Variants in EFHC2 observed in about 807,000 individuals in gnomAD.
EFHC2 encodes the protein EF-hand domain containing 2.
A neutral mutation model predicts 52.7 loss-of-function variants in EFHC2; 18 were observed. The observed-to-expected ratio is 0.34, with a 90% CI of 0.24 to 0.51. The LOEUF is 0.51. Among genes scored for constraint, EFHC2 ranks in the 20% least tolerant of loss-of-function variants. The pLI is 0.97. For missense variants in EFHC2, 513 were observed against 562.5 expected, an observed-to-expected ratio of 0.91 and a Z score of 0.89; for synonymous variants, 203 against 204.1, an observed-to-expected ratio of 0.99 and a Z score of 0.04.
intron 13 of EFHC2, among the ~76,000 whole-genome samples, chrX:44,168,259 G>C (rs188057709): frequency 8.9e-6 from 1 of 112,204 alleles, no homozygotes; most frequent in Non-Finnish European, 1.9e-5. Flanking sequence ...GTGTCCGGGC[G>C]TGGTGGCTCA....
intron 11 of EFHC2, among the ~76,000 whole-genome samples, chrX:44,192,121 C>G (rs947040405): frequency 9.2e-6 from 1 of 108,428 alleles, no homozygotes; most frequent in Non-Finnish European, 1.9e-5. Flanking sequence ...ATGTCCAATG[C>G]TGCTCCAATT....
intron 1 of EFHC2, among the ~76,000 whole-genome samples, chrX:44,325,773 C>T (rs17146919): frequency 0.42 from 43,398 of 102,114 alleles, 7,348 homozygotes; most frequent in African/African-American, 0.53. Flanking sequence ...TGTGAGGTGC[C>T]TGGTAAGAAT....
At chrX:44,323,477 T>A (rs923742257) in intron 1 of EFHC2, among the ~76,000 whole-genome samples, 3 of 111,861 alleles carry the variant, frequency 2.7e-5, no homozygotes, top group Non-Finnish European at 5.6e-5. Context: ...CCTTGAACCA[T>A]GCACTGAATT....
intron 2 of EFHC2, among the ~76,000 whole-genome samples, chrX:44,298,606 T>C (rs997595863): frequency 4.5e-5 from 5 of 111,086 alleles, no homozygotes; most frequent in Middle Eastern, 4.2e-3. Context: ...CTCATGCCTG[T>C]AATGCCAGCG....
intron 3 of EFHC2, among the ~76,000 whole-genome samples, chrX:44,263,550 T>C (rs1318934600): frequency 2.7e-5 from 3 of 112,115 alleles, no homozygotes; most frequent in Admixed American, 9.5e-5. Context: ...TATTTTTAAA[T>C]GTACTACATA....
At chrX:44,172,378 CTTA>C (rs769874237) in intron 13 of EFHC2, among the ~76,000 whole-genome samples, 84 of 112,358 alleles carry the variant, frequency 7.5e-4, no homozygotes, top group African/African-American at 2.7e-3. Flanking sequence ...GAATTTTTTG[CTTA>C]TTATTACAGA....
chrX:44,173,475 G>A lies in EFHC2; in HGVS notation c.2042+2817C>T, dbSNP rs1353880445. Among the ~76,000 whole-genome samples the A allele has an allele frequency of 1.9e-4, 21 of 111,777 alleles. No individual in the cohort carries two copies. The Admixed American group carries it at 2.0e-3, about 11-fold the overall frequency. ...AGGCTGATGGGCCCATTAGGAATTA[G>A]GGCAGTCTTTGAAAGGAATCTGCAG... On this transcript the variant is annotated intron_variant, in intron 13 of 14. Transcript: ENST00000420999.
chrX:44,330,401 T>C (rs2147396096), intron 1 of EFHC2, among the ~76,000 whole-genome samples: 1 of 112,293 alleles, frequency 8.9e-6, no homozygotes, highest in South Asian at 3.6e-4. Flanking sequence ...CTACAAAAGA[T>C]ACTGTTAACA....
intron 4 of EFHC2, among the ~76,000 whole-genome samples, chrX:44,258,040 T>C (rs1362863067): frequency 2.7e-5 from 3 of 111,896 alleles, no homozygotes; most frequent in Non-Finnish European, 5.6e-5. Context: ...GAGGAAAGGA[T>C]TCCTTATTTA....
intron 11 of EFHC2, among the ~76,000 whole-genome samples, chrX:44,188,851 A>G (rs1310121152): frequency 9.1e-6 from 1 of 109,685 alleles, no homozygotes; most frequent in Non-Finnish European, 1.9e-5. Flanking sequence ...GGTGCAGTGG[A>G]TCGCACCTGT....
At chrX:44,283,370 G>C (rs1487620463) in intron 2 of EFHC2, among the ~76,000 whole-genome samples, 1 of 110,696 alleles carries the variant, frequency 9.0e-6, no homozygotes, top group Non-Finnish European at 1.9e-5. Flanking sequence ...TTTTAGTAGA[G>C]ACGGGGTTTC....
intron 1 of EFHC2, among the ~76,000 whole-genome samples, chrX:44,330,369 AACAAAATGAG>A (rs1311303265): frequency 8.9e-6 from 1 of 112,301 alleles, no homozygotes; most frequent in African/African-American, 3.2e-5. Flanking sequence ...ATTAGACCTT[AACAAAATGAG>A]ACACTTTGGC....
intron 13 of EFHC2, among the ~76,000 whole-genome samples, chrX:44,167,911 T>C (rs1329049767): frequency 1.8e-5 from 2 of 112,031 alleles, no homozygotes; most frequent in Non-Finnish European, 3.8e-5. Flanking sequence ...TCTCTCCCTT[T>C]TCCCCAAAAT....
At chrX:44,214,990 T>A (rs1038250360) in intron 11 of EFHC2, among the ~76,000 whole-genome samples, 1 of 111,135 alleles carries the variant, frequency 9.0e-6, no homozygotes, top group African/African-American at 3.3e-5. Context: ...AGGGAACTGG[T>A]GGGAGGTAAT....
chrX:44,292,604 A>G (rs1442115497), intron 2 of EFHC2, among the ~76,000 whole-genome samples: 7 of 111,592 alleles, frequency 6.3e-5, no homozygotes, highest in Non-Finnish European at 1.3e-4. Flanking sequence ...ACTTATTCAC[A>G]TGTGATATGG....
At chrX:44,263,024 G>C (rs951025682) in intron 3 of EFHC2, among the ~76,000 whole-genome samples, 1 of 112,165 alleles carries the variant, frequency 8.9e-6, no homozygotes, top group Admixed American at 9.5e-5. Context: ...AAACATCCTT[G>C]AAGAGATAGT....
chrX:44,264,875 G>A (rs900124212), intron 3 of EFHC2, among the ~76,000 whole-genome samples: 3 of 112,113 alleles, frequency 2.7e-5, no homozygotes, highest in African/African-American at 9.7e-5. Context: ...CCACATTGAA[G>A]AGCAGGTGAA....
At chrX:44,285,244 C>G in intron 2 of EFHC2, 1 of 111,838 alleles carries the variant, frequency 8.9e-6, no homozygotes, top group Non-Finnish European at 1.9e-5. Context: ...TTCCAGTGAG[C>G]TCCGAAAACA....
chrX:44,243,864 A>C (rs1022889536), intron 7 of EFHC2, among the ~76,000 whole-genome samples: 1 of 112,136 alleles, frequency 8.9e-6, no homozygotes, highest in Non-Finnish European at 1.9e-5. Flanking sequence ...AGTAGACTCT[A>C]TCATTGCTAA....
Sources: allele counts gnomAD v4.1 joint callset (sites outside exome capture counted in the v4.1 genomes callset), GRCh38; gene constraint gnomAD v4.1.1; transcripts MANE v1.5; gene names NCBI Gene and HGNC (gene_info 2026-07-23, HGNC 2026-07-21).